The following AHCTF1 variants were observed in gnomAD, a reference collection of about 807,000 sequenced individuals.
The protein encoded by AHCTF1 is protein ELYS.
AHCTF1 carries 24 observed loss-of-function variants against 248.4 expected under a neutral mutation model. The observed-to-expected ratio is 0.10, with a 90% CI of 0.07 to 0.14. AHCTF1 has a LOEUF of 0.14. Among genes scored for constraint, AHCTF1 ranks in the 10% least tolerant of loss-of-function variants. The probability of loss-of-function intolerance (pLI) is 1.00; values close to 1 mark genes in which losing one functional copy is unlikely to be tolerated. For synonymous variants in AHCTF1, 786 were observed against 929.8 expected (o/e 0.85, Z 2.81); for missense variants, 2,206 against 2,636.2 (o/e 0.84, Z 3.57).
intron 25 of AHCTF1, 87 bp downstream of exon 25, chr1:246,867,574 C>T: frequency 6.7e-7 from 1 of 1,490,004 alleles, no homozygotes. Context: ...TAAACTTAGG[C>T]AAAGAGAGTG....
At chr1:246,896,766 T>C (rs1450897375) in intron 12 of AHCTF1, among the ~76,000 whole-genome samples, 1 of 152,154 alleles carries the variant, frequency 6.6e-6, no homozygotes, top group Non-Finnish European at 1.5e-5. Context: ...TGAGTCTGGT[T>C]TAATATCACA....
At chr1:246,888,582 A>T (rs1663993826) in intron 17 of AHCTF1, 65 bp from the exon 18 acceptor site, 4 of 1,549,722 alleles carry the variant, frequency 2.6e-6, no homozygotes, top group Non-Finnish European at 3.5e-6. Context: ...AGCAACCAGC[A>T]TCAAAATATT....
intron 8 of AHCTF1, among the ~76,000 whole-genome samples, chr1:246,901,626 C>G (rs78841711): frequency 0.018 from 2,657 of 150,042 alleles, 82 homozygotes; most frequent in African/African-American, 0.062. Context: ...AAAAACAAAA[C>G]AAAAAAAAAC....
chr1:246,931,514 GGTCCAGGCCGCGC>G (rs1355400638), intron 1 of AHCTF1, 51 bp downstream of exon 1: 1 of 440,260 alleles, frequency 2.3e-6, no homozygotes, highest in African/African-American at 2.2e-5. Context: ...CGCCGCCGCG[GGTCCAGGCCGCGC>G]GACCCGCCCT....
Position 246,885,560 on chromosome 1 carries a change from T to A in AHCTF1, c.2593A>T (p.Thr865Ser). 1 of 1,611,460 alleles carries A rather than the reference T, an allele frequency of 6.2e-7. No individual in the cohort carries two copies. Among genetic ancestry groups the A allele is most frequent in the Non-Finnish European group, 8.5e-7 (1 of 1,178,544 alleles). ...EHRQALRYIQ[T>S]MKPTVSSGND... ...CCACTGGACACTGTTGGCTTCATTG[T>A]CTGAATATATCTGAGGGCTTGTCTG... The change falls in exon 21 of 36, where the codon ACA (threonine) becomes TCA (serine). Residue 865 changes from threonine (T) to serine (S), a missense_variant. By Grantham distance (58) the Thr-to-Ser change is moderately conservative. Around this residue, in one of 6 missense-constraint regions of AHCTF1, gnomAD observed 650 missense variants for 870.8 expected, o/e 0.75. Coordinates refer to ENST00000648844, the MANE Select transcript of AHCTF1 (RefSeq NM_001323342.2).
intron 1 of AHCTF1, among the ~76,000 whole-genome samples, chr1:246,928,164 G>T (rs567431372): frequency 1.3e-5 from 2 of 151,640 alleles, no homozygotes; most frequent in Non-Finnish European, 2.9e-5. Context: ...TTAGCCGGGC[G>T]TGGTGGTGGG....
rs753128486 is a variant in AHCTF1, at chr1:246,888,248, G to A, written c.2269-15C>T. The A allele has an allele frequency of 1.2e-6, 2 of 1,613,836 alleles. No homozygotes were observed. The highest frequency in any genetic ancestry group is 2.2e-5 in the East Asian group (1 of 44,874). The stretch of plus-strand genomic sequence containing the variant: ...TCAAGTACTGCCTATAAAACAAAGG[G>A]ATAAAACCTTCAGTGGATCTTATAC... On this transcript the variant is annotated splice_polypyrimidine_tract_variant and intron_variant, in intron 18 of 35. Coordinates refer to ENST00000648844, the MANE Select transcript of AHCTF1 (RefSeq NM_001323342.2).
At chr1:246,869,020 A>ATTT (rs1357862542) in intron 24 of AHCTF1, among the ~76,000 whole-genome samples, 1 of 150,650 alleles carries the variant, frequency 6.6e-6, no homozygotes, top group Non-Finnish European at 1.5e-5. Context: ...AACTTTTTCT[A>ATTT]TTTTTAGTAG....
chr1:246,842,704 G>A lies in AHCTF1; in HGVS notation c.6598C>T (p.Gln2200Ter), dbSNP rs774352585. 1.2e-6 allele frequency: 2 copies of A among 1,613,240 alleles called. No individual in the cohort carries two copies. Among genetic ancestry groups the A allele is most frequent in the Non-Finnish European group, 8.5e-7 (1 of 1,179,954 alleles). Residue 2200 changes from glutamine to a stop codon, truncating the protein, a stop_gained, in exon 35 of 36, where the codon CAA (glutamine) becomes TAA (stop). Transcript: ENST00000648844. LOFTEE classifies it low-confidence loss of function (END_TRUNC). ...AACAGAAAGTCATACTTGCTTGCTT[G>A]TTTTGTTTTTGACGTCCTGATTCGT... ...AKRIRTSKTK[Q>*]ASKNTEKESA...
intron 24 of AHCTF1, among the ~76,000 whole-genome samples, chr1:246,869,051 G>A (rs12728345): frequency 0.64 from 96,036 of 150,498 alleles, 31,146 homozygotes; most frequent in African/African-American, 0.72. Flanking sequence ...TCACCATGTT[G>A]GCCAGGATGG....
intron 24 of AHCTF1, among the ~76,000 whole-genome samples, chr1:246,870,274 T>C (rs1662490625): frequency 6.6e-6 from 1 of 152,102 alleles, no homozygotes; most frequent in South Asian, 2.1e-4. Flanking sequence ...TGAGGCCCTC[T>C]CTACAAAAAA....
chr1:246,894,060 T>C (rs1664399852), intron 14 of AHCTF1, among the ~76,000 whole-genome samples: 1 of 151,832 alleles, frequency 6.6e-6, no homozygotes, highest in African/African-American at 2.4e-5. Context: ...AACAATTAGC[T>C]GGGTGAGGCA....
At chr1:246,881,855 A>AT (rs1222518162) in intron 21 of AHCTF1, among the ~76,000 whole-genome samples, 1 of 150,684 alleles carries the variant, frequency 6.6e-6, no homozygotes, top group African/African-American at 2.4e-5. Context: ...AAAACCAAAA[A>AT]AAAAAACAAA....
chr1:246,918,216 T>C, intron 2 of AHCTF1, 34 bp downstream of exon 2: 1 of 1,563,374 alleles, frequency 6.4e-7, no homozygotes, highest in Non-Finnish European at 8.6e-7. Flanking sequence ...ACAAATCAAT[T>C]GTATTAGTAA....
chr1:246,849,657 G>A lies in AHCTF1; in HGVS notation c.6349C>T (p.Pro2117Ser), dbSNP rs769793322. The A allele has an allele frequency of 6.2e-7, 1 of 1,613,546 alleles. No individual in the cohort carries two copies. Among genetic ancestry groups the A allele is most frequent in the Non-Finnish European group, 8.5e-7 (1 of 1,179,640 alleles). Residue 2117 changes from proline (P) to serine (S), a missense_variant, in exon 33 of 36, where the codon CCT becomes TCT. Transcript: ENST00000648844. The stretch of plus-strand genomic sequence containing the variant: ...ACTTCTGACGCTGGAGAAAATAAAG[G>A]CTCATTGTTTGGTTCAGAAAGGTCC... ...LPDLSEPNNE[P>S]LFSPASEVPR...
rs181358439 is a variant in AHCTF1 at position 246,881,406 on chromosome 1, A to G, written c.2660+4087T>C. ...TAGGAAAAAAAATTATTCAGGACAC[A>G]GAAAGATTAAAACCATGCAACGAAC... On this transcript the variant is annotated intron_variant, in intron 21 of 35. Coordinates refer to ENST00000648844, the MANE Select transcript of AHCTF1 (RefSeq NM_001323342.2). Among the ~76,000 whole-genome samples, 331 of 152,354 alleles carry G rather than the reference A, an allele frequency of 2.2e-3. 2 individuals carry two copies. Among genetic ancestry groups the G allele is most frequent in the African/African-American group, 7.6e-3 (314 of 41,582 alleles).
At chr1:246,892,233 TCA>T (rs1465437617) in intron 14 of AHCTF1, among the ~76,000 whole-genome samples, 1 of 151,704 alleles carries the variant, frequency 6.6e-6, no homozygotes, top group Non-Finnish European at 1.5e-5. Context: ...ATTTAATGTG[TCA>T]CTGGTCTAGA....
At chr1:246,923,756 C>T (rs1307982539) in intron 1 of AHCTF1, among the ~76,000 whole-genome samples, 3 of 150,610 alleles carry the variant, frequency 2.0e-5, no homozygotes, top group Admixed American at 6.6e-5. Context: ...TGTGTGTGTG[C>T]GCGTAGCACA....
chr1:246,879,626 G>C (rs890197209), intron 21 of AHCTF1, among the ~76,000 whole-genome samples: 3 of 152,084 alleles, frequency 2.0e-5, no homozygotes, highest in African/African-American at 7.2e-5. Flanking sequence ...TCAGGAGTTT[G>C]AGACCAGCCT....
Sources: allele counts gnomAD v4.1 joint callset (sites outside exome capture counted in the v4.1 genomes callset), GRCh38; gene constraint gnomAD v4.1.1; regional missense constraint gnomAD v4.1.1; transcripts MANE v1.5; gene names NCBI Gene and HGNC (gene_info 2026-07-23, HGNC 2026-07-21).